Variants in ERG observed in about 807,000 individuals in gnomAD.
ERG encodes the protein ETS transcription factor ERG.
Under a neutral mutation model 55.3 loss-of-function variants are expected in ERG, and 9 were observed. The observed-to-expected ratio is 0.16, with a 90% CI of 0.10 to 0.28. The LOEUF (loss-of-function observed/expected upper bound fraction) is 0.28. Among genes scored for constraint, ERG ranks in the 10% least tolerant of loss-of-function variants. The probability of loss-of-function intolerance (pLI) is 1.00; values close to 1 mark genes in which losing one functional copy is unlikely to be tolerated. For missense variants in ERG, 434 were observed against 631.6 expected, an observed-to-expected ratio of 0.69 and a Z score of 3.35; for synonymous variants, 223 against 237.3, an observed-to-expected ratio of 0.94 and a Z score of 0.55.
At chr21:38,424,357 A>G (rs1261566649) in intron 2 of ERG, among the ~76,000 whole-genome samples, 3 of 152,140 alleles carry the variant, frequency 2.0e-5, no homozygotes, top group Non-Finnish European at 4.4e-5. Flanking sequence ...CTCGAGTCCC[A>G]TTGTTTCAGC....
chr21:38,624,789 C>G (rs2060314638), intron 1 of ERG, among the ~76,000 whole-genome samples: 1 of 152,086 alleles, frequency 6.6e-6, no homozygotes, highest in African/African-American at 2.4e-5. Flanking sequence ...TGTAAAGCAC[C>G]TAGAATAATA....
chr21:38,491,756 C>T (rs559676955), intron 1 of ERG, among the ~76,000 whole-genome samples: 1 of 152,228 alleles, frequency 6.6e-6, no homozygotes, highest in East Asian at 1.9e-4. Context: ...ATTATTGACG[C>T]CCAAGACGAG....
intron 3 of ERG, 27 bp downstream of exon 3, chr21:38,423,383 A>G: frequency 6.2e-7 from 1 of 1,601,422 alleles, no homozygotes; most frequent in Non-Finnish European, 8.5e-7. Context: ...CGATCTGCCG[A>G]GGGCAGTGAA....
At chr21:38,597,848 T>C (rs2060141629) in intron 1 of ERG, among the ~76,000 whole-genome samples, 1 of 152,218 alleles carries the variant, frequency 6.6e-6, no homozygotes, top group South Asian at 2.1e-4. Context: ...TATAAAATCA[T>C]ATAATTTAGA....
At chr21:38,590,229 G>A (rs1480402861) in intron 1 of ERG, among the ~76,000 whole-genome samples, 1 of 152,176 alleles carries the variant, frequency 6.6e-6, no homozygotes, top group Non-Finnish European at 1.5e-5. Context: ...TTAAATTACT[G>A]AGTGGAGGCA....
At chr21:38,536,407 T>A (rs1003612943) in intron 2 of ERG, among the ~76,000 whole-genome samples, 1 of 152,200 alleles carries the variant, frequency 6.6e-6, no homozygotes, top group African/African-American at 2.4e-5. Context: ...CTCCTCTTTA[T>A]CTACCTTGAG....
chr21:38,634,472 C>A (rs2060376162), intron 1 of ERG, among the ~76,000 whole-genome samples: 1 of 152,138 alleles, frequency 6.6e-6, no homozygotes, highest in Non-Finnish European at 1.5e-5. Context: ...TTAAGAATGC[C>A]AAGAAGAAAC....
At chr21:38,388,595 G>A (rs1271369867) in intron 9 of ERG, among the ~76,000 whole-genome samples, 3 of 152,176 alleles carry the variant, frequency 2.0e-5, no homozygotes, top group African/African-American at 7.2e-5. Flanking sequence ...GTTCACATGA[G>A]CACAACAGAC....
intron 2 of ERG, among the ~76,000 whole-genome samples, chr21:38,541,405 C>T (rs1239892697): frequency 1.3e-5 from 2 of 152,140 alleles, no homozygotes; most frequent in African/African-American, 2.4e-5. Flanking sequence ...TCCCATTTCA[C>T]CTTGCATTAT....
At chr21:38,574,228 T>C (rs1260504600) in intron 2 of ERG, among the ~76,000 whole-genome samples, 1 of 152,248 alleles carries the variant, frequency 6.6e-6, no homozygotes, top group Non-Finnish European at 1.5e-5. Context: ...AAAGTCTTTC[T>C]CCCACTTTAC....
chr21:38,572,907 G>A (rs577653176), intron 2 of ERG, among the ~76,000 whole-genome samples: 4 of 152,290 alleles, frequency 2.6e-5, no homozygotes, highest in African/African-American at 9.6e-5. Context: ...ATGTAGAAAG[G>A]AAAGACATAA....
chr21:38,472,975 C>T (rs1173918986), intron 1 of ERG, among the ~76,000 whole-genome samples: 1 of 152,136 alleles, frequency 6.6e-6, no homozygotes, highest in African/African-American at 2.4e-5. Context: ...CTCGGCTGAC[C>T]TCGGCTCCCC....
At chr21:38,442,417 G>T (rs962349535) in intron 2 of ERG, among the ~76,000 whole-genome samples, 4 of 152,080 alleles carry the variant, frequency 2.6e-5, no homozygotes, top group Admixed American at 2.6e-4. Flanking sequence ...AAAAAAGAAA[G>T]AAAATGTCCA....
downstream of ERG, among the ~76,000 whole-genome samples, chr21:38,375,349 G>A (rs1987214297): frequency 6.6e-6 from 1 of 152,160 alleles, no homozygotes; most frequent in Non-Finnish European, 1.5e-5. Context: ...GTGCATGCAT[G>A]TCTTGTCTTG....
Position 38,505,480 on chromosome 21 carries a change from C to T in ERG, c.-41+70182G>A, listed in dbSNP as rs186731960. Among the ~76,000 whole-genome samples the T allele has an allele frequency of 2.5e-3, 381 of 152,276 alleles. 1 individual carries two copies. The highest frequency in any genetic ancestry group is 8.8e-3 in the African/African-American group (365 of 41,544). On this transcript the variant is annotated intron_variant, in intron 2 of 8. Coordinates refer to the ERG transcript ENST00000398897. Reference sequence around the variant, plus strand: ...ACTCTTATGAAAATGTGTTAAATCCCGTTAAATGCACCGACCTGAACTGAA... The same window carrying T: ...ACTCTTATGAAAATGTGTTAAATCCTGTTAAATGCACCGACCTGAACTGAA...
chr21:38,485,177 A>G (rs34213498), intron 1 of ERG, among the ~76,000 whole-genome samples: 18,193 of 152,128 alleles, frequency 0.12, 1,222 homozygotes, highest in East Asian at 0.26. Context: ...AGTGATATTG[A>G]TGATCCTGAC....
At chr21:38,368,019 T>A in the ERG span, among the ~76,000 whole-genome samples, 527 of 152,228 alleles carry the variant, frequency 3.5e-3, 1 homozygote, top group Non-Finnish European at 6.0e-3. Flanking sequence ...TCCATATTAT[T>A]TAAAAAATAA....
At chr21:38,392,576 C>T in intron 6 of ERG, 132 bp from the exon 7 acceptor site, 1 of 599,688 alleles carries the variant, frequency 1.7e-6, no homozygotes. Context: ...AAAGAAATAT[C>T]CCACTAGATT....
chr21:38,607,618 G>A (rs574374653), intron 1 of ERG, among the ~76,000 whole-genome samples: 56 of 151,852 alleles, frequency 3.7e-4, no homozygotes, highest in Non-Finnish European at 7.4e-4. Context: ...CAGCCTGGGC[G>A]ACAGAGCCAG....
Sources: allele counts gnomAD v4.1 joint callset (sites outside exome capture counted in the v4.1 genomes callset), GRCh38; gene constraint gnomAD v4.1.1; transcripts MANE v1.5; gene names NCBI Gene and HGNC (gene_info 2026-07-23, HGNC 2026-07-21).